Variants in RARB observed in about 807,000 individuals in gnomAD.
RARB encodes the protein HBV-activated protein.
A neutral mutation model predicts 51.9 loss-of-function variants in RARB; 17 were observed. The observed-to-expected ratio is 0.33, with a 90% CI of 0.22 to 0.49. RARB has a LOEUF of 0.49. RARB is among the 20% of genes least tolerant of loss of function. RARB has a pLI of 0.99. For synonymous variants in RARB, 215 were observed against 195.4 expected (o/e 1.10, Z -0.84); for missense variants, 369 against 550.8 (o/e 0.67, Z 3.30).
At chr3:25,306,869 A>G (rs943401377) in intron 5 of RARB, among the ~76,000 whole-genome samples, 10 of 152,104 alleles carry the variant, frequency 6.6e-5, no homozygotes, top group South Asian at 2.1e-4. Flanking sequence ...TCATTTGTCT[A>G]TTTGAATTGT....
At chr3:25,082,379 T>A (rs1699024437) in intron 3 of RARB, among the ~76,000 whole-genome samples, 2 of 152,090 alleles carry the variant, frequency 1.3e-5, no homozygotes, top group Admixed American at 1.3e-4. Context: ...TTTTTCTGAT[T>A]TTTGTTTGTT....
intron 5 of RARB, among the ~76,000 whole-genome samples, chr3:25,190,889 C>A (rs1701087108): frequency 6.8e-6 from 1 of 147,924 alleles, no homozygotes; most frequent in African/African-American, 2.4e-5. Flanking sequence ...CAAAAAAAAT[C>A]ATCTGGTTCA....
intron 2 of RARB, among the ~76,000 whole-genome samples, chr3:24,973,035 A>T (rs1201865336): frequency 1.3e-5 from 2 of 151,882 alleles, no homozygotes; most frequent in African/African-American, 4.8e-5. Flanking sequence ...AAGGTTTTTC[A>T]CAAAAAAGCT....
chr3:25,276,131 G>T (rs1399656731), intron 5 of RARB, among the ~76,000 whole-genome samples: 1 of 152,182 alleles, frequency 6.6e-6, no homozygotes, highest in Non-Finnish European at 1.5e-5. Flanking sequence ...GGCAATTCAT[G>T]TAAAAGCCTT....
At chr3:25,485,569 A>C (rs1696424295) in intron 2 of RARB, among the ~76,000 whole-genome samples, 1 of 152,078 alleles carries the variant, frequency 6.6e-6, no homozygotes, top group African/African-American at 2.4e-5. Flanking sequence ...ACTTGGAAAA[A>C]TGTGTTTCTG....
intron 3 of RARB, among the ~76,000 whole-genome samples, chr3:25,563,292 A>T (rs1212908066): frequency 2.6e-5 from 4 of 152,216 alleles, no homozygotes; most frequent in Non-Finnish European, 5.9e-5. Flanking sequence ...TGGAAATGGA[A>T]TAACTTGATT....
At chr3:24,868,458 A>G (rs1420022395) in intron 2 of RARB, among the ~76,000 whole-genome samples, 1 of 152,112 alleles carries the variant, frequency 6.6e-6, no homozygotes, top group South Asian at 2.1e-4. Flanking sequence ...CGAGAACTCA[A>G]TACTCTTGTA....
chr3:24,867,731 C>T (rs1018062615), intron 2 of RARB, among the ~76,000 whole-genome samples: 1 of 152,078 alleles, frequency 6.6e-6, no homozygotes, highest in African/African-American at 2.4e-5. Context: ...TATACTTGCT[C>T]ATGCCTCTAT....
chr3:24,980,452 G>C (rs1696633400), intron 2 of RARB, among the ~76,000 whole-genome samples: 2 of 151,986 alleles, frequency 1.3e-5, no homozygotes, highest in East Asian at 3.9e-4. Flanking sequence ...CATATTTCTT[G>C]GAGGCTTTAT....
At chr3:25,348,406 A>T (rs963712810) in intron 5 of RARB, among the ~76,000 whole-genome samples, 2 of 152,072 alleles carry the variant, frequency 1.3e-5, no homozygotes, top group African/African-American at 4.8e-5. Flanking sequence ...AGAGATTATA[A>T]AAGTGTCAGC....
rs114263644 is a variant in RARB, at chr3:25,289,859, C to T, written c.178+115284C>T. Reference sequence around the variant, plus strand: ...GATTAATTTTCCAGCCACCAGTAAACAGTTCTTAACCGGAGACCCTAAGAC... The same window carrying T: ...GATTAATTTTCCAGCCACCAGTAAATAGTTCTTAACCGGAGACCCTAAGAC... On this transcript the variant is annotated intron_variant, in intron 5 of 11. Transcript: ENST00000383772. Among the ~76,000 whole-genome samples, 612 of 152,238 alleles carry T rather than the reference C, an allele frequency of 4.0e-3. 4 individuals are homozygous for T. The highest frequency in any genetic ancestry group is 0.014 in the African/African-American group (573 of 41,530).
At chr3:25,117,561 G>A (rs1222570934) in intron 3 of RARB, among the ~76,000 whole-genome samples, 1 of 152,148 alleles carries the variant, frequency 6.6e-6, no homozygotes, top group Non-Finnish European at 1.5e-5. Flanking sequence ...GACAATCAGA[G>A]AATAGGATGG....
chr3:24,918,386 T>G (rs928390746), intron 2 of RARB, among the ~76,000 whole-genome samples: 1 of 152,198 alleles, frequency 6.6e-6, no homozygotes, highest in East Asian at 1.9e-4. Context: ...AAAGTAGATA[T>G]GAGTTGCCTG....
At chr3:25,160,248 G>A (rs1575187996) in intron 4 of RARB, among the ~76,000 whole-genome samples, 1 of 152,176 alleles carries the variant, frequency 6.6e-6, no homozygotes, top group Non-Finnish European at 1.5e-5. Flanking sequence ...TTTCCACATG[G>A]CAAAGTGGAG....
intron 5 of RARB, among the ~76,000 whole-genome samples, chr3:25,206,915 C>T (rs2125375195): frequency 6.6e-6 from 1 of 152,310 alleles, no homozygotes; most frequent in East Asian, 1.9e-4. Flanking sequence ...GGTGCACCCA[C>T]AGCTACTTGA....
chr3:24,944,030 T>C, intron 2 of RARB, among the ~76,000 whole-genome samples: 1 of 152,108 alleles, frequency 6.6e-6, no homozygotes, highest in East Asian at 1.9e-4. Context: ...TTCAGGAAAA[T>C]ATTGCCTTGT....
chr3:24,956,383 T>A (rs1559410817), intron 2 of RARB, among the ~76,000 whole-genome samples: 1 of 152,228 alleles, frequency 6.6e-6, no homozygotes, highest in Non-Finnish European at 1.5e-5. Context: ...AAATAGTAAC[T>A]AATGCTGTTT....
At chr3:25,267,470 T>C (rs13091754) in intron 5 of RARB, among the ~76,000 whole-genome samples, 15,653 of 152,222 alleles carry the variant, frequency 0.1, 993 homozygotes, top group South Asian at 0.25. Flanking sequence ...TATTTTTTAG[T>C]CTTTTCTGAG....
chr3:25,513,052 G>A lies in RARB; in HGVS notation c.448+11729G>A, dbSNP rs189816601. On this transcript the variant is annotated intron_variant, in intron 3 of 7. Transcript: ENST00000330688. ...TGCCTGTAATCCCAGCACTTTGGGA[G>A]GTGGATCACGAGGTCAGGAGATTGA... Among the ~76,000 whole-genome samples, 378 of 151,514 alleles carry A rather than the reference G, an allele frequency of 2.5e-3. 3 individuals carry two copies. Among genetic ancestry groups the A allele is most frequent in the African/African-American group, 8.7e-3 (358 of 41,198 alleles).
Sources: allele counts gnomAD v4.1 joint callset (sites outside exome capture counted in the v4.1 genomes callset), GRCh38; gene constraint gnomAD v4.1.1; transcripts MANE v1.5; gene names NCBI Gene and HGNC (gene_info 2026-07-23, HGNC 2026-07-21).